Variants in ANK2 observed in about 807,000 individuals in gnomAD.
The protein encoded by ANK2 is ankyrin-2.
ANK2 carries 83 observed loss-of-function variants against 360.5 expected under a neutral mutation model. That is an observed-to-expected ratio of 0.23 (90% CI 0.19 to 0.28). ANK2 has a LOEUF of 0.28. Among genes scored for constraint, ANK2 ranks in the 10% least tolerant of loss-of-function variants. The pLI, the probability that ANK2 is intolerant of heterozygous loss-of-function variation, is 1.00. For missense variants in ANK2, 4,201 were observed against 4,795.7 expected (o/e 0.88, Z 3.66); for synonymous variants, 1,740 against 1,759.5 (o/e 0.99, Z 0.28).
At chr4:113,034,047 T>C (rs1372100984) in intron 2 of ANK2, 1 of 151,886 alleles carries the variant, frequency 6.6e-6, no homozygotes, top group Non-Finnish European at 1.5e-5. Flanking sequence ...ATAGAATGAG[T>C]AATTTGCTGG....
At chr4:113,324,865 T>A (rs2088868766) in intron 26 of ANK2, among the ~76,000 whole-genome samples, 1 of 152,134 alleles carries the variant, frequency 6.6e-6, no homozygotes, top group South Asian at 2.1e-4. Context: ...CATCCCATGG[T>A]CCTCAAAGAA....
the ANK2 span, among the ~76,000 whole-genome samples, chr4:112,716,873 C>T: frequency 6.6e-6 from 1 of 152,174 alleles, no homozygotes; most frequent in East Asian, 1.9e-4. Flanking sequence ...TGCAACCCCC[C>T]TTTCCCCGTT....
chr4:113,247,287 A>G (rs189813468), intron 9 of ANK2, among the ~76,000 whole-genome samples: 37 of 152,256 alleles, frequency 2.4e-4, no homozygotes, highest in African/African-American at 7.9e-4. Context: ...CTTGAAAAGA[A>G]TTTTTTTGGG....
chr4:112,842,137 G>C (rs1412868272), intron 1 of ANK2, among the ~76,000 whole-genome samples: 1 of 152,072 alleles, frequency 6.6e-6, no homozygotes, highest in African/African-American at 2.4e-5. Flanking sequence ...AGCCTCCCCA[G>C]TAGCTGGAAT....
At chr4:113,047,983 A>G (rs2065119451), upstream of ANK2, among the ~76,000 whole-genome samples, 1 of 152,102 alleles carries the variant, frequency 6.6e-6, no homozygotes, top group South Asian at 2.1e-4. Flanking sequence ...TATGTTTCTT[A>G]AGGTACACTT....
At chr4:112,834,743 T>C (rs142562454) in intron 1 of ANK2, among the ~76,000 whole-genome samples, 1 of 152,320 alleles carries the variant, frequency 6.6e-6, no homozygotes, top group East Asian at 1.9e-4. Flanking sequence ...TGCAGTTGGA[T>C]TGTTTAAGAG....
At chr4:113,219,686 G>A (rs2099128392) in intron 4 of ANK2, among the ~76,000 whole-genome samples, 1 of 151,470 alleles carries the variant, frequency 6.6e-6, no homozygotes, top group South Asian at 2.1e-4. Context: ...GATTTTCTCT[G>A]CAGATGATGT....
In ANK2 at chr4:113,288,602, G is replaced by A. The variant is rs892708024; in HGVS notation, c.2277+116G>A. The stretch of plus-strand genomic sequence containing the variant: ...TTTTTTCTTCCTTTTTAGTTCTAAA[G>A]TGATTTTGACGAGGTGATGTAGTTT... On this transcript the variant is annotated intron_variant, in intron 20 of 45. Transcript: ENST00000357077. The A allele has an allele frequency of 4.5e-6, 4 of 884,642 alleles. No individual in the cohort carries two copies. The African/African-American group carries it at 6.7e-5, about 15-fold the overall frequency. 54.8% of individuals were successfully genotyped at this position (884,642 alleles called of 1,614,324 possible).
intron 2 of ANK2, among the ~76,000 whole-genome samples, chr4:113,002,091 G>A (rs1038898614): frequency 6.6e-6 from 1 of 151,972 alleles, no homozygotes; most frequent in Non-Finnish European, 1.5e-5. Flanking sequence ...AGTTACATAT[G>A]TATACATGTG....
At chr4:113,273,834 T>A (rs1245635320) in intron 14 of ANK2, among the ~76,000 whole-genome samples, 1 of 152,190 alleles carries the variant, frequency 6.6e-6, no homozygotes, top group Non-Finnish European at 1.5e-5. Flanking sequence ...TTCACCCTAT[T>A]TGCTTTTTGC....
chr4:113,300,937 T>C (rs1479328650), intron 22 of ANK2, among the ~76,000 whole-genome samples: 1 of 152,224 alleles, frequency 6.6e-6, no homozygotes, highest in African/African-American at 2.4e-5. Context: ...ATGTATATAG[T>C]CAGAGTTGCT....
intron 11 of ANK2, 130 bp from the exon 12 acceptor site, chr4:113,257,920 C>A: frequency 1.1e-6 from 1 of 936,622 alleles, no homozygotes; most frequent in South Asian, 1.4e-5. Flanking sequence ...CAAATTCCAA[C>A]ACCTGCAGGG....
the ANK2 span, among the ~76,000 whole-genome samples, chr4:112,783,775 G>A: frequency 2.0e-5 from 3 of 151,326 alleles, no homozygotes; most frequent in Non-Finnish European, 4.4e-5. Context: ...TCAGCCTCCC[G>A]AATAGCTGGG....
intron 1 of ANK2, among the ~76,000 whole-genome samples, chr4:113,122,221 G>A (rs575601165): frequency 6.6e-6 from 1 of 152,076 alleles, no homozygotes; most frequent in Non-Finnish European, 1.5e-5. Context: ...TGTGGGTAAA[G>A]ACTGCAGTGT....
the ANK2 span, among the ~76,000 whole-genome samples, chr4:112,810,387 T>C: frequency 3.9e-5 from 6 of 152,094 alleles, no homozygotes; most frequent in South Asian, 1.2e-3. Flanking sequence ...TATCTTCTGA[T>C]ACCCAGTATA....
At chr4:112,893,986 C>T (rs1326340114) in intron 1 of ANK2, among the ~76,000 whole-genome samples, 1 of 152,096 alleles carries the variant, frequency 6.6e-6, no homozygotes, top group Non-Finnish European at 1.5e-5. Flanking sequence ...AACGGAGCAA[C>T]ACTCCGTTTC....
chr4:113,357,854 C>T lies in ANK2; in HGVS notation c.9236C>T (p.Thr3079Ile), dbSNP rs781261146. The change falls in exon 38 of 46, where the codon ACC (threonine) becomes ATC (isoleucine). Residue 3079 changes from threonine to isoleucine, a missense_variant. Physicochemically the swap from Thr to Ile is moderately conservative, Grantham distance 89 (BLOSUM62 -1). This residue lies in a region of ANK2 where 2,642 missense variants were observed against 2,714.5 expected (regional missense o/e 0.97). Coordinates refer to ENST00000357077, the MANE Select transcript of ANK2 (RefSeq NM_001148.6). ...GTAGACAGACAATCACAGGGTACCA[C>T]CCCTGACACCACTCCTGCTAGGACC... ...LMVDRQSQGT[T>I]PDTTPARTPT... 3 of 1,613,928 alleles carry T rather than the reference C, an allele frequency of 1.9e-6. No homozygotes were observed. Among genetic ancestry groups the T allele is most frequent in the African/African-American group, 2.7e-5 (2 of 74,922 alleles).
At chr4:113,243,316 T>G (rs2041019049) in intron 9 of ANK2, among the ~76,000 whole-genome samples, 1 of 152,228 alleles carries the variant, frequency 6.6e-6, no homozygotes, top group Non-Finnish European at 1.5e-5. Flanking sequence ...GTTTTCATAG[T>G]CCCAGCAGTA....
chr4:113,380,536 C>T (rs1441239723), intron 45 of ANK2, among the ~76,000 whole-genome samples: 2 of 152,184 alleles, frequency 1.3e-5, no homozygotes, highest in Non-Finnish European at 2.9e-5. Flanking sequence ...GTGGCACACA[C>T]CTGTAGTCCC....
Sources: allele counts gnomAD v4.1 joint callset (sites outside exome capture counted in the v4.1 genomes callset), GRCh38; gene constraint gnomAD v4.1.1; regional missense constraint gnomAD v4.1.1; transcripts MANE v1.5; gene names NCBI Gene and HGNC (gene_info 2026-07-23, HGNC 2026-07-21).